PUDP: variants seen among roughly 807,000 people sequenced by gnomAD.
The protein encoded by PUDP is pseudouridine 5'-phosphatase.
A neutral mutation model predicts 9.4 loss-of-function variants in PUDP; 8 were observed. That is an observed-to-expected ratio of 0.85 (90% CI 0.50 to 1.53). The LOEUF is 1.53. Among genes scored for constraint, PUDP ranks in the 40% most tolerant of loss-of-function variants. The probability of loss-of-function intolerance (pLI) is 0.00; values close to 1 mark genes in which losing one functional copy is unlikely to be tolerated. For missense variants in PUDP, 188 were observed against 189.7 expected (o/e 0.99, Z 0.05); for synonymous variants, 99 against 80.7 (o/e 1.23, Z -1.22).
chrX:7,048,190 T>C (rs1006965123), downstream of PUDP, among the ~76,000 whole-genome samples: 1 of 112,451 alleles, frequency 8.9e-6, no homozygotes, highest in Non-Finnish European at 1.9e-5. Context: ...TCTTGGATGA[T>C]ATCAGCAGTA....
chrX:6,900,463 G>A (rs1274809116), intron 3 of PUDP, among the ~76,000 whole-genome samples: 1 of 107,348 alleles, frequency 9.3e-6, no homozygotes, highest in East Asian at 3.0e-4. Context: ...TACCAAGGTT[G>A]AGAAATCTGT....
chrX:7,042,759 T>G (rs1929939266), intron 1 of PUDP, among the ~76,000 whole-genome samples: 1 of 111,789 alleles, frequency 8.9e-6, no homozygotes, highest in African/African-American at 3.3e-5. Flanking sequence ...TGATTTCACC[T>G]TCCATGCCAT....
intron 3 of PUDP, among the ~76,000 whole-genome samples, chrX:6,876,605 G>A (rs1293087307): frequency 1.9e-5 from 2 of 105,955 alleles, no homozygotes; most frequent in Admixed American, 1.0e-4. Context: ...ACTCCATCCT[G>A]GACCATAGAA....
chrX:6,748,373 A>T (rs1925024610), intron 3 of PUDP, among the ~76,000 whole-genome samples: 1 of 112,180 alleles, frequency 8.9e-6, no homozygotes, highest in Admixed American at 9.5e-5. Context: ...CTGTTGATGA[A>T]ATCATTCCTT....
chrX:7,057,499 G>T, intron 3 of PUDP: 1 of 505,872 alleles, frequency 2.0e-6, no homozygotes, highest in Non-Finnish European at 3.1e-6. Context: ...AAACTGAGAA[G>T]CAATAGGGAA....
At chrX:7,014,510 G>A (rs1277032844) in intron 1 of PUDP, among the ~76,000 whole-genome samples, 1 of 111,125 alleles carries the variant, frequency 9.0e-6, no homozygotes, top group Non-Finnish European at 1.9e-5. Context: ...CTTTTGGTAG[G>A]GGCAGACTTG....
intron 3 of PUDP, among the ~76,000 whole-genome samples, chrX:6,747,146 TA>T (rs1242075571): frequency 1.8e-5 from 2 of 112,110 alleles, no homozygotes; most frequent in South Asian, 3.8e-4. Flanking sequence ...TAGAGTACAC[TA>T]GTCAATACAT....
At chrX:7,002,423 G>A (rs1016444565) in intron 1 of PUDP, among the ~76,000 whole-genome samples, 1 of 111,773 alleles carries the variant, frequency 8.9e-6, no homozygotes, top group African/African-American at 3.3e-5. Flanking sequence ...TGTTTTCACC[G>A]ACTTTGAGAA....
intron 2 of PUDP, among the ~76,000 whole-genome samples, chrX:7,099,346 T>C (rs905626229): frequency 1.8e-5 from 2 of 112,649 alleles, no homozygotes; most frequent in Non-Finnish European, 3.8e-5. Flanking sequence ...ATACGGTACC[T>C]ATTTTTAAAA....
chrX:6,866,610 C>T (rs1927090928), intron 3 of PUDP, among the ~76,000 whole-genome samples: 1 of 111,238 alleles, frequency 9.0e-6, no homozygotes, highest in Admixed American at 9.6e-5. Flanking sequence ...CCTTGTGACT[C>T]CTAAGGGCTG....
At chrX:6,752,528 C>A (rs1925111409) in intron 3 of PUDP, among the ~76,000 whole-genome samples, 2 of 111,652 alleles carry the variant, frequency 1.8e-5, no homozygotes, top group Non-Finnish European at 3.8e-5. Flanking sequence ...ACTGTAGAGA[C>A]AGGATAAAGC....
Position 6,803,285 on chromosome X carries a change from G to A in PUDP, c.*248-96819C>T, listed in dbSNP as rs765253607. Among the ~76,000 whole-genome samples the A allele has an allele frequency of 6.0e-4, 66 of 109,919 alleles. No individual in the cohort carries two copies. In the South Asian group the frequency reaches 0.025, roughly 42 times the overall value. On this transcript the variant is annotated intron_variant and NMD_transcript_variant, in intron 3 of 3. Transcript: ENST00000655425. ...CCCTTTGTAACCATAAGTATCACAC[G>A]GCAACAATAATCAGGCAATCAATGA...
At chrX:7,106,602 T>C (rs1385669052) in intron 1 of PUDP, among the ~76,000 whole-genome samples, 2 of 112,156 alleles carry the variant, frequency 1.8e-5, no homozygotes, top group Non-Finnish European at 3.8e-5. Context: ...GTATATTTAA[T>C]ATATACATAG....
chrX:6,737,363 G>A (rs1431751385), intron 3 of PUDP, among the ~76,000 whole-genome samples: 1 of 112,273 alleles, frequency 8.9e-6, no homozygotes, highest in East Asian at 2.8e-4. Context: ...CATTAGAGGG[G>A]AGTAGCTAGT....
At position 6,729,074 on chromosome X, in the gene PUDP, A is replaced by G. The variant is rs764877663; in HGVS notation, c.*248-22608T>C. 1.8e-4 allele frequency among the ~76,000 whole-genome samples: 20 copies of G among 111,996 alleles called. 1 individual carries two copies. Among genetic ancestry groups the G allele is most frequent in the Middle Eastern group, 9.2e-3 (2 of 217 alleles). On this transcript the variant is annotated intron_variant and NMD_transcript_variant, in intron 3 of 3. Coordinates refer to the PUDP transcript ENST00000655425. The stretch of plus-strand genomic sequence containing the variant: ...AGAGGCAAAGTGCCGTGTTCCTCAC[A>G]TCACATTAAGGGTACAACTCTCAAC...
At position 7,097,473 on chromosome X, in the gene PUDP, G is replaced by A. The variant is rs113092765; in HGVS notation, c.280+8147C>T. Among the ~76,000 whole-genome samples the A allele has an allele frequency of 1.6e-3, 180 of 111,149 alleles. 1 individual carries two copies. In the South Asian group the frequency reaches 0.017, roughly 11 times the overall value. ...CGAGGTCACCCCCTACCCCAGGAGC[G>A]GCCACTACTCCAAGAATATCTTGCT... On this transcript the variant is annotated intron_variant, in intron 2 of 3. Transcript: ENST00000381077.
intron 1 of PUDP, among the ~76,000 whole-genome samples, chrX:6,720,258 GTATATATATA>G (rs543397118): frequency 2.0e-5 from 1 of 48,804 alleles, no homozygotes; most frequent in Non-Finnish European, 3.4e-5. Context: ...GTGTGTGTGT[GTATATATATA>G]TATATATATA....
intron 1 of PUDP, among the ~76,000 whole-genome samples, chrX:7,125,021 T>TTA (rs774521301): frequency 6.7e-5 from 7 of 103,892 alleles, no homozygotes; most frequent in Non-Finnish European, 1.2e-4. Flanking sequence ...TCAAACATAT[T>TTA]AAAAAAAAAC....
At chrX:6,924,316 G>T (rs1928069203) in intron 3 of PUDP, among the ~76,000 whole-genome samples, 1 of 111,681 alleles carries the variant, frequency 9.0e-6, no homozygotes, top group African/African-American at 3.3e-5. Flanking sequence ...ATAACTATCT[G>T]TTAAGTACCA....
Sources: allele counts gnomAD v4.1 joint callset (sites outside exome capture counted in the v4.1 genomes callset), GRCh38; gene constraint gnomAD v4.1.1; transcripts MANE v1.5; gene names NCBI Gene and HGNC (gene_info 2026-07-23, HGNC 2026-07-21).